AOPEP: variants seen among roughly 807,000 people sequenced by gnomAD.
The protein encoded by AOPEP is aminopeptidase O.
A neutral mutation model predicts 98.1 loss-of-function variants in AOPEP; 77 were observed. That is an observed-to-expected ratio of 0.78 (90% CI 0.65 to 0.95). The LOEUF (loss-of-function observed/expected upper bound fraction) is 0.95, where lower values mean the gene tolerates loss of function less well. AOPEP is among the 40% of genes least tolerant of loss of function. AOPEP has a pLI of 0.00. For synonymous variants in AOPEP, 346 were observed against 365.3 expected (o/e 0.95, Z 0.60); for missense variants, 1,024 against 1,024.7 (o/e 1.00, Z 0.01).
intron 4 of AOPEP, among the ~76,000 whole-genome samples, chr9:94,793,678 A>T (rs1286777807): frequency 7.0e-6 from 1 of 142,676 alleles, no homozygotes; most frequent in Non-Finnish European, 1.5e-5. Context: ...TCTGTCTTGG[A>T]AAAAAAAAAA....
At chr9:94,729,428 G>A (rs1197934539) in intron 1 of AOPEP, among the ~76,000 whole-genome samples, 2 of 152,030 alleles carry the variant, frequency 1.3e-5, no homozygotes, top group African/African-American at 4.8e-5. Flanking sequence ...AAATTAGCCA[G>A]GCATGATGGC....
chr9:94,953,069 G>A lies in AOPEP; in HGVS notation c.1662-2108G>A, dbSNP rs555736724. The stretch of plus-strand genomic sequence containing the variant: ...GGCTCAAGGGCAAAAAAGACGCACG[G>A]CAACTCTGCCTGTCTTAGGGCTGGG... On this transcript the variant is annotated intron_variant, in intron 7 of 16. Transcript: ENST00000375315. Among the ~76,000 whole-genome samples, 99 of 152,180 alleles carry A rather than the reference G, an allele frequency of 6.5e-4. 1 individual carries two copies. Among genetic ancestry groups the A allele is most frequent in the Non-Finnish European group, 3.1e-4 (21 of 68,026 alleles).
chr9:94,836,948 A>T (rs1167211919), intron 5 of AOPEP, among the ~76,000 whole-genome samples: 1 of 152,146 alleles, frequency 6.6e-6, no homozygotes, highest in Non-Finnish European at 1.5e-5. Context: ...AAAATTTTTT[A>T]TGAATTTTAA....
rs186379222 is a variant in AOPEP, at chr9:94,755,623, A to G, written c.-135-4026A>G. ...CAATAAGAATTGGTTACTAGTCTGCATAACTTGAAGAAGATAAAGAAGGTC... is the reference window on the plus strand; with the variant it reads ...CAATAAGAATTGGTTACTAGTCTGCGTAACTTGAAGAAGATAAAGAAGGTC... On this transcript the variant is annotated intron_variant, in intron 1 of 16. Coordinates refer to ENST00000375315, the MANE Select transcript of AOPEP (RefSeq NM_001193329.3). Among the ~76,000 whole-genome samples, 65 of 152,358 alleles carry G rather than the reference A, an allele frequency of 4.3e-4. 4 individuals carry two copies. The highest frequency in any genetic ancestry group is 1.5e-3 in the African/African-American group (64 of 41,584).
chr9:94,818,779 G>A (rs1852270786), intron 5 of AOPEP, among the ~76,000 whole-genome samples: 1 of 152,302 alleles, frequency 6.6e-6, no homozygotes, highest in South Asian at 2.1e-4. Context: ...CGGATCACGA[G>A]GTCAGGAGAT....
chr9:94,957,417 A>C (rs929913152), intron 9 of AOPEP, among the ~76,000 whole-genome samples: 4 of 152,196 alleles, frequency 2.6e-5, no homozygotes, highest in Non-Finnish European at 5.9e-5. Context: ...CATGTTGGCC[A>C]GGCTGGTCTT....
chr9:94,745,278 A>T (rs1280293520), intron 1 of AOPEP, among the ~76,000 whole-genome samples: 12 of 141,848 alleles, frequency 8.5e-5, no homozygotes, highest in Non-Finnish European at 1.9e-4. Context: ...AATTGTTTTA[A>T]TTTTTTTTTT....
chr9:95,086,672 T>C lies in AOPEP; in HGVS notation c.*5-10T>C. Reference sequence around the variant, plus strand: ...CTGGGTAATCAATGTTACTGCTGTTTCCTTTGCAGGAAAGACCACAGCAAG... The same window carrying C: ...CTGGGTAATCAATGTTACTGCTGTTCCCTTTGCAGGAAAGACCACAGCAAG... On this transcript the variant is annotated splice_polypyrimidine_tract_variant and intron_variant, in intron 16 of 16. Transcript: ENST00000375315. 4.0e-6 allele frequency: 4 copies of C among 988,180 alleles called. No homozygotes were observed. The highest frequency in any genetic ancestry group is 4.8e-6 in the Non-Finnish European group (4 of 830,812). The allele number at this position is 988,180 out of a possible 1,614,324, so 61.2% of individuals were successfully genotyped here.
intron 11 of AOPEP, among the ~76,000 whole-genome samples, chr9:94,979,857 C>T (rs1284869426): frequency 6.6e-6 from 1 of 152,194 alleles, no homozygotes; most frequent in Admixed American, 6.5e-5. Context: ...CTGCCGCCGT[C>T]GTCTGTCCTG....
chr9:94,856,751 A>T (rs1267729686), intron 5 of AOPEP, among the ~76,000 whole-genome samples: 2 of 152,146 alleles, frequency 1.3e-5, no homozygotes, highest in Non-Finnish European at 2.9e-5. Context: ...GACTCATAGG[A>T]TAGATTCATA....
intron 13 of AOPEP, among the ~76,000 whole-genome samples, chr9:95,054,805 T>G (rs1383734645): frequency 2.6e-5 from 4 of 152,236 alleles, no homozygotes; most frequent in Non-Finnish European, 4.4e-5. Flanking sequence ...TTTATAGACA[T>G]ACTCCCTAAA....
At position 94,799,133 on chromosome 9, in the gene AOPEP, C is replaced by CGCT. The variant is rs371215415; in HGVS notation, c.1119-1622_1119-1620dup. On this transcript the variant is annotated intron_variant, in intron 4 of 16. Transcript: ENST00000375315. ...TACCTAGCCATATTGGTCTCCTGAG[C>CGCT]GCTGGCCTTGGGTAAGTGAAAGGTA... Among the ~76,000 whole-genome samples the CGCT allele has an allele frequency of 5.1e-3, 782 of 152,284 alleles. 11 individuals are homozygous for CGCT. The highest frequency in any genetic ancestry group is 0.018 in the African/African-American group (743 of 41,530).
At chr9:95,073,205 A>T (rs970526248) in intron 14 of AOPEP, among the ~76,000 whole-genome samples, 4 of 151,870 alleles carry the variant, frequency 2.6e-5, no homozygotes, top group African/African-American at 9.7e-5. Context: ...TGTGGTTCCT[A>T]CCTCCTACCT....
rs71366268 is a variant in AOPEP, at chr9:94,885,348, C to CAAAAAAAAAAAAAAAAA, written c.1365-38612_1365-38596dup. Among the ~76,000 whole-genome samples, 8 of 35,988 alleles carry CAAAAAAAAAAAAAAAAA rather than the reference C, an allele frequency of 2.2e-4. 1 individual carries two copies. Among genetic ancestry groups the CAAAAAAAAAAAAAAAAA allele is most frequent in the Non-Finnish European group, 3.6e-4 (7 of 19,520 alleles). 23.6% of individuals were successfully genotyped at this position (35,988 alleles called of 152,430 possible). On this transcript the variant is annotated intron_variant, in intron 5 of 16. Transcript: ENST00000375315. ...TGGGTGACAGAGTGAGATCCTGTCT[C>CAAAAAAAAAAAAAAAAA]AAAAAAAAAAAAAAAAAAAAAAAAA...
intron 13 of AOPEP, among the ~76,000 whole-genome samples, chr9:95,029,901 T>C (rs2064150995): frequency 1.3e-5 from 2 of 152,170 alleles, no homozygotes; most frequent in Admixed American, 1.3e-4. Flanking sequence ...GGAGGCCCCC[T>C]GGGAGTCCAG....
At chr9:94,739,834 A>G (rs1437687809) in intron 1 of AOPEP, among the ~76,000 whole-genome samples, 2 of 151,916 alleles carry the variant, frequency 1.3e-5, no homozygotes, top group Non-Finnish European at 2.9e-5. Context: ...CCTTTCTACC[A>G]CTAGTGGAGA....
At chr9:95,039,279 A>G (rs1048984627) in intron 13 of AOPEP, among the ~76,000 whole-genome samples, 2 of 152,046 alleles carry the variant, frequency 1.3e-5, no homozygotes, top group African/African-American at 4.8e-5. Flanking sequence ...AAAAACTGAA[A>G]TTGTTGGCCA....
the AOPEP span, among the ~76,000 whole-genome samples, chr9:95,134,207 C>T: frequency 3.1e-4 from 47 of 152,188 alleles, 1 homozygote; most frequent in East Asian, 4.8e-3. Flanking sequence ...AACGGGATCG[C>T]GGAGGAAGGC....
intron 5 of AOPEP, among the ~76,000 whole-genome samples, chr9:94,839,850 T>C (rs1158876023): frequency 6.6e-6 from 1 of 152,088 alleles, no homozygotes; most frequent in Non-Finnish European, 1.5e-5. Flanking sequence ...CTCACTACAG[T>C]GTCAACCTCC....
Sources: gnomAD v4.1 joint callset for allele counts (sites outside exome capture counted in the v4.1 genomes callset) on GRCh38, gnomAD v4.1.1 for gene constraint, MANE v1.5 for transcripts, NCBI Gene and HGNC (gene_info 2026-07-23, HGNC 2026-07-21) for gene names.